Variants in MGMT observed in about 807,000 individuals in gnomAD.
MGMT encodes the protein methylated-DNA--protein-cysteine methyltransferase.
MGMT carries 14 observed loss-of-function variants against 15.9 expected under a neutral mutation model. The observed-to-expected ratio is 0.88, with a 90% CI of 0.58 to 1.37. The LOEUF is 1.37. MGMT is among the 40% of genes most tolerant of loss of function. The pLI is 0.00. For synonymous variants in MGMT, 130 were observed against 118.2 expected (o/e 1.10, Z -0.65); for missense variants, 282 against 268.1 (o/e 1.05, Z -0.36).
At chr10:129,560,110 G>C (rs1846259867) in intron 2 of MGMT, among the ~76,000 whole-genome samples, 2 of 152,162 alleles carry the variant, frequency 1.3e-5, no homozygotes, top group Non-Finnish European at 2.9e-5. Flanking sequence ...CTGTGAAAAA[G>C]GTGCCTTCAT....
At chr10:129,492,396 TTC>T (rs1845477889) in intron 1 of MGMT, among the ~76,000 whole-genome samples, 1 of 152,122 alleles carries the variant, frequency 6.6e-6, no homozygotes, top group South Asian at 2.1e-4. Flanking sequence ...AAGCAGGCCC[TTC>T]TCTCTCTGTC....
rs575919957 is a variant in MGMT, at chr10:129,735,236, G to A, written c.275-23966G>A. ...GCTATTGATTATTGCCACAATTTCA[G>A]CTCCTGTTATTGGTCTATTCAGAGA... On this transcript the variant is annotated intron_variant, in intron 3 of 4. Transcript: ENST00000651593. Among the ~76,000 whole-genome samples the A allele has an allele frequency of 7.7e-4, 118 of 152,272 alleles. 1 individual carries two copies. The highest frequency in any genetic ancestry group is 2.3e-3 in the African/African-American group (97 of 41,566).
chr10:129,591,952 A>AT (rs1333608637), intron 2 of MGMT, among the ~76,000 whole-genome samples: 2 of 152,164 alleles, frequency 1.3e-5, no homozygotes, highest in Non-Finnish European at 2.9e-5. Flanking sequence ...AAATAAATAA[A>AT]AAAGAATGTC....
rs1846361778 is a variant in MGMT at position 129,566,937 on chromosome 10, C to T, written c.125+30560C>T. Among the ~76,000 whole-genome samples, 1 of 152,114 alleles carries T rather than the reference C, an allele frequency of 6.6e-6. No individual in the cohort carries two copies. Among genetic ancestry groups the T allele is most frequent in the Non-Finnish European group, 1.5e-5 (1 of 68,030 alleles). On this transcript the variant is annotated intron_variant, in intron 2 of 4. Coordinates refer to ENST00000651593, the MANE Select transcript of MGMT (RefSeq NM_002412.5). The surrounding 1 kb of genome is among the most constrained non-coding windows in gnomAD (Gnocchi z 4.1). ...TCCGTCATCAATGGAGATCAATACC[C>T]AGGAGGTGCCATCTCTCTTGGCGGG...
intron 1 of MGMT, among the ~76,000 whole-genome samples, chr10:129,487,237 A>G (rs1414421590): frequency 1.3e-5 from 2 of 152,186 alleles, no homozygotes; most frequent in Non-Finnish European, 2.9e-5. Flanking sequence ...ATGAGCATAC[A>G]GAATGGAAGA....
At chr10:129,484,756 G>C (rs1369719638) in intron 1 of MGMT, among the ~76,000 whole-genome samples, 1 of 152,030 alleles carries the variant, frequency 6.6e-6, no homozygotes, top group African/African-American at 2.4e-5. Flanking sequence ...TGCAGGTTCA[G>C]TTTCTTGAAA....
chr10:129,553,366 G>A (rs996386975), intron 2 of MGMT, among the ~76,000 whole-genome samples: 2 of 152,240 alleles, frequency 1.3e-5, no homozygotes, highest in African/African-American at 4.8e-5. Context: ...GGCTGCTGAA[G>A]TAGACTTAGG....
chr10:129,502,831 A>G (rs1845587902), intron 1 of MGMT, among the ~76,000 whole-genome samples: 1 of 152,226 alleles, frequency 6.6e-6, no homozygotes, highest in South Asian at 2.1e-4. Flanking sequence ...GGAATAGAAA[A>G]CAAGATGTCG....
chr10:129,523,984 G>A (rs1218358241), intron 1 of MGMT, among the ~76,000 whole-genome samples: 4 of 152,214 alleles, frequency 2.6e-5, no homozygotes, highest in Non-Finnish European at 5.9e-5. Flanking sequence ...CTTGGAGGTA[G>A]CAGAAGCATC....
At chr10:129,644,762 C>G (rs1040519099) in intron 2 of MGMT, among the ~76,000 whole-genome samples, 8 of 152,240 alleles carry the variant, frequency 5.3e-5, no homozygotes, top group African/African-American at 1.9e-4. Context: ...CCCGGTGCTC[C>G]TGGACCGTGG....
chr10:129,715,984 C>T (rs116853682), intron 3 of MGMT, among the ~76,000 whole-genome samples: 454 of 152,212 alleles, frequency 3.0e-3, no homozygotes, highest in Non-Finnish European at 3.8e-3. Context: ...TGGAGGTACG[C>T]GGCGGTCAGT....
At chr10:129,501,560 A>C (rs1845574877) in intron 1 of MGMT, among the ~76,000 whole-genome samples, 1 of 152,058 alleles carries the variant, frequency 6.6e-6, no homozygotes, top group South Asian at 2.1e-4. Context: ...TTGTGGATTT[A>C]TGCATTTATT....
intron 2 of MGMT, among the ~76,000 whole-genome samples, chr10:129,553,750 T>A (rs1211397587): frequency 6.6e-6 from 1 of 152,134 alleles, no homozygotes; most frequent in African/African-American, 2.4e-5. Context: ...CAGTGGAGCA[T>A]CAGGGTCACT....
chr10:129,704,956 A>C (rs566142960), intron 2 of MGMT, among the ~76,000 whole-genome samples: 71 of 152,300 alleles, frequency 4.7e-4, no homozygotes, highest in Non-Finnish European at 7.9e-4. Flanking sequence ...CTCAAAGCGA[A>C]GTAACCCTGG....
chr10:129,695,928 A>T (rs528112494), intron 2 of MGMT, among the ~76,000 whole-genome samples: 1 of 152,138 alleles, frequency 6.6e-6, no homozygotes, highest in African/African-American at 2.4e-5. Flanking sequence ...ATGTGACAGC[A>T]TGTGGGCTTG....
intron 2 of MGMT, among the ~76,000 whole-genome samples, chr10:129,649,605 C>G (rs1378407365): frequency 6.6e-6 from 1 of 152,140 alleles, no homozygotes; most frequent in African/African-American, 2.4e-5. Flanking sequence ...TACTTTGAAG[C>G]TGAATCTCCT....
chr10:129,762,179 C>A (rs189207652), intron 4 of MGMT, among the ~76,000 whole-genome samples: 1 of 152,206 alleles, frequency 6.6e-6, no homozygotes, highest in African/African-American at 2.4e-5. Flanking sequence ...CCAGCCCAGA[C>A]GGTGCGTCGC....
chr10:129,768,702 G>A lies in MGMT; in HGVS notation c.*1705G>A, dbSNP rs116540890. 1 of 152,336 alleles carries A rather than the reference G, an allele frequency of 6.6e-6. No individual in the cohort carries two copies. Among genetic ancestry groups the A allele is most frequent in the African/African-American group, 2.4e-5 (1 of 41,468 alleles). 9.4% of individuals were successfully genotyped at this position (152,336 alleles called of 1,614,324 possible). A position where few individuals can be genotyped will look rare whatever the true frequency, so the allele number is the denominator to read the frequency against. ...GGTGGCCCGGGTGTGCGAGCCGCGA[G>A]TGCTTTCCAACAGAGGGCACCAGAG... On this transcript the variant is annotated 3_prime_UTR_variant, in exon 5 of 5. Coordinates refer to ENST00000651593, the MANE Select transcript of MGMT (RefSeq NM_002412.5).
intron 2 of MGMT, among the ~76,000 whole-genome samples, chr10:129,653,228 G>T (rs780426463): frequency 6.6e-6 from 1 of 152,354 alleles, no homozygotes; most frequent in Middle Eastern, 3.4e-3. Context: ...CTGTCATCGA[G>T]CCTGCTCTGG....
Sources: allele counts gnomAD v4.1 joint callset (sites outside exome capture counted in the v4.1 genomes callset), GRCh38; gene constraint gnomAD v4.1.1; non-coding constraint Gnocchi (gnomAD v3.1); transcripts MANE v1.5; gene names NCBI Gene and HGNC (gene_info 2026-07-23, HGNC 2026-07-21).